The following TPRG1 variants were observed in gnomAD, a reference collection of about 807,000 sequenced individuals.
The protein encoded by TPRG1 is tumor protein p63-regulated gene 1 protein.
A neutral mutation model predicts 29.3 loss-of-function variants in TPRG1; 29 were observed. That is an observed-to-expected ratio of 0.99 (90% CI 0.74 to 1.35). The LOEUF is 1.35. Among genes scored for constraint, TPRG1 ranks in the 40% most tolerant of loss-of-function variants. The pLI is 0.00. For synonymous variants in TPRG1, 130 were observed against 116.8 expected (o/e 1.11, Z -0.73); for missense variants, 327 against 335.0 (o/e 0.98, Z 0.19).
chr3:189,252,911 C>A (rs1246719929), intron 4 of TPRG1, among the ~76,000 whole-genome samples: 1 of 152,076 alleles, frequency 6.6e-6, no homozygotes, highest in Non-Finnish European at 1.5e-5. Context: ...GTGGATATTT[C>A]ATGTTTTAAT....
chr3:189,056,905 T>C (rs1715735538), intron 4 of TPRG1, among the ~76,000 whole-genome samples: 1 of 152,226 alleles, frequency 6.6e-6, no homozygotes, highest in Non-Finnish European at 1.5e-5. Flanking sequence ...CGATTGAAGA[T>C]GATATACATC....
At chr3:189,125,880 A>T (rs1722423039) in intron 1 of TPRG1, among the ~76,000 whole-genome samples, 2 of 141,174 alleles carry the variant, frequency 1.4e-5, no homozygotes, top group African/African-American at 2.7e-5. Context: ...TGTTTGGTAT[A>T]TTTAGTTTTA....
intron 5 of TPRG1, among the ~76,000 whole-genome samples, chr3:189,152,059 G>A (rs1726007102): frequency 6.6e-6 from 1 of 152,108 alleles, no homozygotes; most frequent in South Asian, 2.1e-4. Context: ...GATGTGCATG[G>A]CTTGGTGTGC....
chr3:189,051,883 G>A lies in TPRG1; in HGVS notation c.-463+27937G>A, dbSNP rs114381613. Among the ~76,000 whole-genome samples, 1,027 of 152,288 alleles carry A rather than the reference G, an allele frequency of 6.7e-3. 12 individuals carry two copies. Among genetic ancestry groups the A allele is most frequent in the African/African-American group, 0.023 (971 of 41,570 alleles). Reference sequence around the variant, plus strand: ...TCAACAAATGGTGCTGGAGTGATTGGCTAGCCACATGTAGGAGAATGAAAC... The same window carrying A: ...TCAACAAATGGTGCTGGAGTGATTGACTAGCCACATGTAGGAGAATGAAAC... On this transcript the variant is annotated intron_variant, in intron 4 of 10. Transcript: ENST00000433971.
chr3:189,087,269 A>AT (rs1422294360), intron 4 of TPRG1, among the ~76,000 whole-genome samples: 2 of 152,056 alleles, frequency 1.3e-5, no homozygotes, highest in Admixed American at 6.5e-5. Flanking sequence ...GATGATGAGC[A>AT]TTTTTTCCTG....
intron 1 of TPRG1, among the ~76,000 whole-genome samples, chr3:189,203,429 T>C (rs563437535): frequency 3.9e-5 from 6 of 152,294 alleles, no homozygotes; most frequent in East Asian, 1.9e-4. Context: ...TCAATAAATA[T>C]AACTATTTTC....
intron 4 of TPRG1, among the ~76,000 whole-genome samples, chr3:189,247,613 T>C (rs2108986122): frequency 6.6e-6 from 1 of 152,028 alleles, no homozygotes; most frequent in East Asian, 1.9e-4. Flanking sequence ...TTTGGCAAAG[T>C]GGGGAGTGGA....
chr3:189,076,930 A>G (rs1177072756), intron 4 of TPRG1, among the ~76,000 whole-genome samples: 1 of 150,864 alleles, frequency 6.6e-6, no homozygotes, highest in Non-Finnish European at 1.5e-5. Flanking sequence ...GTACATATAT[A>G]TATATATATA....
upstream of TPRG1, among the ~76,000 whole-genome samples, chr3:189,099,581 T>C (rs1393417420): frequency 6.6e-6 from 1 of 152,026 alleles, no homozygotes; most frequent in African/African-American, 2.4e-5. Flanking sequence ...TTTAGTTGTT[T>C]ATGTGGTGGT....
At chr3:189,273,446 T>C (rs931558593) in intron 4 of TPRG1, among the ~76,000 whole-genome samples, 4 of 152,158 alleles carry the variant, frequency 2.6e-5, no homozygotes, top group Non-Finnish European at 5.9e-5. Context: ...TTCATTCCCA[T>C]CCTCACTAGG....
At chr3:189,165,882 C>T (rs1728104588) in intron 5 of TPRG1, among the ~76,000 whole-genome samples, 1 of 152,124 alleles carries the variant, frequency 6.6e-6, no homozygotes, top group Non-Finnish European at 1.5e-5. Flanking sequence ...ATCTCTTAGG[C>T]TACAGGAACA....
chr3:189,087,106 A>T (rs182055196), intron 4 of TPRG1, among the ~76,000 whole-genome samples: 8 of 152,298 alleles, frequency 5.3e-5, no homozygotes, highest in Non-Finnish European at 1.0e-4. Context: ...TGGTGGAACT[A>T]GTTTGCAGTC....
intron 4 of TPRG1, among the ~76,000 whole-genome samples, chr3:189,080,738 T>C (rs1021825816): frequency 6.6e-6 from 1 of 151,834 alleles, no homozygotes; most frequent in Non-Finnish European, 1.5e-5. Flanking sequence ...ATGAGGTATA[T>C]TGATGCAGTG....
Position 189,215,302 on chromosome 3 carries a change from T to C in TPRG1, c.221T>C (p.Ile74Thr), listed in dbSNP as rs147352198. 121 of 1,612,382 alleles carry C rather than the reference T, an allele frequency of 7.5e-5. No homozygotes were observed. The African/African-American group carries it at 1.4e-3, about 18-fold the overall frequency. ...RKYFATRPGA[I>T]ETAMEDLKGH... ...CTCCTTTCCACACAGCCGGGGGCCA[T>C]TGAGACTGCCATGGAAGACTTGAAA... Residue 74 changes from isoleucine to threonine, a missense_variant, in exon 3 of 6, where the codon ATT becomes ACT. Physicochemically the swap from Ile to Thr is moderately conservative, Grantham distance 89. Transcript: ENST00000345063.
At position 189,237,623 on chromosome 3, in the gene TPRG1, C is replaced by T. The variant is rs569124835; in HGVS notation, c.303-1110C>T. On this transcript the variant is annotated intron_variant, in intron 3 of 5. Coordinates refer to ENST00000345063, the MANE Select transcript of TPRG1 (RefSeq NM_198485.4). ...ACTCTGAGATGACCCTGAGTAGAGG[C>T]CGGATTATACAGGCGTGTAGTCCAT... Among the ~76,000 whole-genome samples the T allele has an allele frequency of 3.3e-5, 5 of 152,178 alleles. 1 individual carries two copies. The South Asian group carries it at 1.0e-3, about 32-fold the overall frequency.
At chr3:189,111,016 A>G (rs944722993) in intron 1 of TPRG1, among the ~76,000 whole-genome samples, 2 of 151,884 alleles carry the variant, frequency 1.3e-5, no homozygotes, top group African/African-American at 4.8e-5. Flanking sequence ...GAGTCTTCCA[A>G]ATTTGTTTTT....
At chr3:189,081,365 G>T (rs550237986) in intron 4 of TPRG1, among the ~76,000 whole-genome samples, 1 of 152,154 alleles carries the variant, frequency 6.6e-6, no homozygotes, top group Non-Finnish European at 1.5e-5. Context: ...GAAAGGGACC[G>T]AGGAGCAGTC....
At chr3:189,227,394 C>T (rs991147282) in intron 3 of TPRG1, among the ~76,000 whole-genome samples, 1 of 152,190 alleles carries the variant, frequency 6.6e-6, no homozygotes, top group Non-Finnish European at 1.5e-5. Context: ...GGGAGGGCCA[C>T]GGCAGCTGCC....
chr3:189,219,346 C>T (rs1379949645), intron 3 of TPRG1, among the ~76,000 whole-genome samples: 1 of 152,024 alleles, frequency 6.6e-6, no homozygotes, highest in Non-Finnish European at 1.5e-5. Flanking sequence ...CAGCCCTAAA[C>T]CTCAGCTAGA....
Sources: allele counts gnomAD v4.1 joint callset (sites outside exome capture counted in the v4.1 genomes callset), GRCh38; gene constraint gnomAD v4.1.1; transcripts MANE v1.5; gene names NCBI Gene and HGNC (gene_info 2026-07-23, HGNC 2026-07-21).